CDH8: variants seen among roughly 807,000 people sequenced by gnomAD.
The protein encoded by CDH8 is cadherin 8, also known as cadherin-8.
A neutral mutation model predicts 68.1 loss-of-function variants in CDH8; 17 were observed. The observed-to-expected ratio is 0.25, with a 90% confidence interval of 0.17 to 0.37. The LOEUF (loss-of-function observed/expected upper bound fraction) is 0.37, where lower values mean the gene tolerates loss of function less well. CDH8 is among the 10% of genes least tolerant of loss of function. CDH8 has a pLI of 1.00. For synonymous variants in CDH8, 372 were observed against 365.1 expected, an observed-to-expected ratio of 1.02 and a Z score of -0.21; for missense variants, 763 against 999.3, an observed-to-expected ratio of 0.76 and a Z score of 3.19.
chr16:61,736,498 G>T (rs1261784560), intron 8 of CDH8, among the ~76,000 whole-genome samples: 3 of 152,066 alleles, frequency 2.0e-5, no homozygotes. Context: ...TTTATCCCAG[G>T]TATATGAATG....
intron 2 of CDH8, among the ~76,000 whole-genome samples, chr16:61,969,773 A>C (rs1965309345): frequency 6.6e-6 from 1 of 152,204 alleles, no homozygotes; most frequent in Admixed American, 6.5e-5. Context: ...GTATGGAAGT[A>C]GTTCCCAGGA....
intron 2 of CDH8, among the ~76,000 whole-genome samples, chr16:61,974,287 G>T (rs1188022660): frequency 2.0e-5 from 3 of 152,184 alleles, no homozygotes; most frequent in African/African-American, 7.2e-5. Context: ...TTTATTAAGT[G>T]AACACAGGCA....
intron 2 of CDH8, chr16:61,918,455 C>CG (rs1446233204): frequency 6.5e-6 from 1 of 153,036 alleles, no homozygotes; most frequent in Non-Finnish European, 1.5e-5. Context: ...TCAGTGGGTG[C>CG]GCGCACCATG....
chr16:61,714,079 T>C (rs1286043409), intron 9 of CDH8, 121 bp from the exon 10 acceptor site: 2 of 721,734 alleles, frequency 2.8e-6, no homozygotes, highest in East Asian at 2.5e-5. Flanking sequence ...TTTTTCAGCT[T>C]TCTAAATTGT....
At chr16:61,964,839 T>A (rs944917519) in intron 2 of CDH8, among the ~76,000 whole-genome samples, 6 of 152,204 alleles carry the variant, frequency 3.9e-5, no homozygotes, top group Non-Finnish European at 8.8e-5. Flanking sequence ...TTGATTTTTT[T>A]AAATGTGAAT....
intron 2 of CDH8, among the ~76,000 whole-genome samples, chr16:61,989,436 T>C (rs957498511): frequency 1.3e-5 from 2 of 152,100 alleles, no homozygotes; most frequent in East Asian, 1.9e-4. Context: ...TGGGGAGACA[T>C]TGAGATTCAC....
At chr16:61,720,166 C>T (rs1266016699) in intron 9 of CDH8, among the ~76,000 whole-genome samples, 2 of 150,936 alleles carry the variant, frequency 1.3e-5, no homozygotes, top group Non-Finnish European at 3.0e-5. Flanking sequence ...TGTGTATCTA[C>T]ATAGCTTAAT....
intron 7 of CDH8, among the ~76,000 whole-genome samples, chr16:61,793,870 A>G (rs1961439107): frequency 6.6e-6 from 1 of 152,036 alleles, no homozygotes; most frequent in Admixed American, 6.6e-5. Context: ...ATTCCCACTA[A>G]CAGAAGAAAT....
At chr16:61,690,193 A>C (rs1445523582) in intron 10 of CDH8, among the ~76,000 whole-genome samples, 1 of 152,100 alleles carries the variant, frequency 6.6e-6, no homozygotes. Context: ...TCTCTGAAGT[A>C]GCCTGCTGAC....
chr16:61,910,569 A>T (rs1847013797), intron 2 of CDH8, among the ~76,000 whole-genome samples: 2 of 152,170 alleles, frequency 1.3e-5, no homozygotes, highest in Admixed American at 1.3e-4. Context: ...AACCTCTCCA[A>T]GACTAGTTTC....
chr16:61,683,510 C>T (rs1417281281), intron 10 of CDH8, among the ~76,000 whole-genome samples: 2 of 151,990 alleles, frequency 1.3e-5, no homozygotes, highest in Non-Finnish European at 1.5e-5. Context: ...TTGGCTTGCT[C>T]TAACCAGTCA....
At chr16:61,973,458 T>C (rs927678983) in intron 2 of CDH8, among the ~76,000 whole-genome samples, 1 of 152,184 alleles carries the variant, frequency 6.6e-6, no homozygotes, top group East Asian at 1.9e-4. Flanking sequence ...AAAAGCTGCA[T>C]GTAAATTTTG....
At chr16:62,030,867 C>T (rs1042199383) in intron 1 of CDH8, among the ~76,000 whole-genome samples, 7 of 152,060 alleles carry the variant, frequency 4.6e-5, no homozygotes, top group African/African-American at 1.4e-4. Flanking sequence ...GGCCAGGTAT[C>T]CTGCTGATTA....
At chr16:61,906,267 G>T (rs1964060242) in intron 2 of CDH8, among the ~76,000 whole-genome samples, 1 of 152,118 alleles carries the variant, frequency 6.6e-6, no homozygotes, top group Non-Finnish European at 1.5e-5. Flanking sequence ...AAAGAGAAAG[G>T]GGAGGTCAGG....
intron 2 of CDH8, among the ~76,000 whole-genome samples, chr16:61,921,548 A>C (rs913260117): frequency 6.6e-6 from 1 of 152,214 alleles, no homozygotes; most frequent in African/African-American, 2.4e-5. Context: ...TAAATACTTA[A>C]ATATTTTTCT....
At chr16:61,755,136 T>C (rs1320940419) in intron 8 of CDH8, among the ~76,000 whole-genome samples, 1 of 152,202 alleles carries the variant, frequency 6.6e-6, no homozygotes, top group Non-Finnish European at 1.5e-5. Flanking sequence ...GTTTCATGGT[T>C]AAGTCAGTTT....
At chr16:61,739,284 A>G (rs1481955846) in intron 8 of CDH8, among the ~76,000 whole-genome samples, 1 of 152,144 alleles carries the variant, frequency 6.6e-6, no homozygotes, top group Non-Finnish European at 1.5e-5. Context: ...GTGTCGACAT[A>G]TCTAATGTTC....
intron 8 of CDH8, among the ~76,000 whole-genome samples, chr16:61,774,058 TG>T (rs540175175): frequency 6.6e-6 from 1 of 152,176 alleles, no homozygotes; most frequent in East Asian, 1.9e-4. Context: ...TTCTAAGCTT[TG>T]GATTAGGGAG....
chr16:62,032,815 C>T (rs539359273), intron 1 of CDH8, among the ~76,000 whole-genome samples: 8 of 152,144 alleles, frequency 5.3e-5, no homozygotes, highest in African/African-American at 1.2e-4. Flanking sequence ...GTTGATAAAG[C>T]CGTGAGGTGT....
Sources: gnomAD v4.1 joint callset for allele counts (sites outside exome capture counted in the v4.1 genomes callset) on GRCh38, gnomAD v4.1.1 for gene constraint, MANE v1.5 for transcripts, NCBI Gene and HGNC (gene_info 2026-07-23, HGNC 2026-07-21) for gene names.